GCC2: variants seen among roughly 807,000 people sequenced by gnomAD.
The protein encoded by GCC2 is GRIP and coiled-coil domain-containing protein 2.
A neutral mutation model predicts 210.6 loss-of-function variants in GCC2; 120 were observed. The observed-to-expected ratio is 0.57, with a 90% CI of 0.49 to 0.66. The LOEUF is 0.66. GCC2 is among the 30% of genes least tolerant of loss of function. The probability of loss-of-function intolerance (pLI) is 0.00; values close to 1 mark genes in which losing one functional copy is unlikely to be tolerated. For missense variants in GCC2, 1,868 were observed against 1,871.9 expected, an observed-to-expected ratio of 1.00 and a Z score of 0.04; for synonymous variants, 703 against 652.7, an observed-to-expected ratio of 1.08 and a Z score of -1.17.
At chr2:108,482,607 T>C (rs1681917736) in intron 11 of GCC2, among the ~76,000 whole-genome samples, 156 bp downstream of exon 11, 1 of 152,262 alleles carries the variant, frequency 6.6e-6, no homozygotes, top group Admixed American at 6.5e-5. Flanking sequence ...ATCCATGCTG[T>C]GATTTGGGGT....
In GCC2 at chr2:108,452,687, CTTTCTTT is replaced by C. The variant is rs1422475814; in HGVS notation, c.216+225_216+231del. On this transcript the variant is annotated intron_variant, in intron 4 of 22. Coordinates refer to ENST00000309863, the MANE Select transcript of GCC2 (RefSeq NM_181453.4). Reference sequence around the variant, plus strand: ...TCTCTTCCCACGTATTTTCTTTTTTCTTTCTTTTTTTTTTTTTTTTTTTTTGAGATGG... The same window carrying C: ...TCTCTTCCCACGTATTTTCTTTTTTCTTTTTTTTTTTTTTTTTTGAGATGG... Among the ~76,000 whole-genome samples the C allele has an allele frequency of 4.0e-3, 493 of 122,948 alleles. 3 individuals carry two copies. Among genetic ancestry groups the C allele is most frequent in the African/African-American group, 0.014 (467 of 32,888 alleles). The allele number at this position is 122,948 out of a possible 152,430, so 80.7% of individuals were successfully genotyped here. A position where few individuals can be genotyped will look rare whatever the true frequency, so the allele number is the denominator to read the frequency against.
chr2:108,480,913 T>A (rs1336500002), intron 9 of GCC2, among the ~76,000 whole-genome samples: 2 of 152,106 alleles, frequency 1.3e-5, no homozygotes, highest in Non-Finnish European at 1.5e-5. Flanking sequence ...AGTTAAAAAA[T>A]TTTTTAAAAA....
chr2:108,465,476 G>C (rs912605844), intron 4 of GCC2, among the ~76,000 whole-genome samples: 8 of 152,158 alleles, frequency 5.3e-5, no homozygotes, highest in Non-Finnish European at 1.2e-4. Flanking sequence ...TATACCTACT[G>C]TGTAGTTTTT....
At position 108,481,779 on chromosome 2, in the gene GCC2, A is replaced by G; in HGVS notation, c.3143A>G (p.Glu1048Gly). 6.3e-7 allele frequency: 1 copy of G among 1,583,712 alleles called. No homozygotes were observed. The highest frequency in any genetic ancestry group is 1.2e-5 in the South Asian group (1 of 85,044). The change falls in exon 10 of 23, where the codon GAA becomes GGA. Residue 1048 changes from glutamate (E) to glycine (G), a missense_variant. Glu to Gly is a moderately conservative substitution (Grantham distance 98). Transcript: ENST00000309863. ...ERANNFEHRI[E>G]DLTRQLRNST... Reference sequence around the variant, plus strand: ...GCTAATAATTTTGAGCATCGTATTGAAGACCTTACAAGACAATTAAGAAAT... The same window carrying G: ...GCTAATAATTTTGAGCATCGTATTGGAGACCTTACAAGACAATTAAGAAAT...
At position 108,471,573 on chromosome 2, in the gene GCC2, G is replaced by A; in HGVS notation, c.2244G>A (p.Glu748=). 1 of 1,609,578 alleles carries A rather than the reference G, an allele frequency of 6.2e-7. No individual in the cohort carries two copies. The highest frequency in any genetic ancestry group is 1.7e-5 in the Admixed American group (1 of 59,154). ...ATTTAAATAAACTGCTTGAAAATGA[G>A]CAAGTTCAGAAGTTATTTGTTAAAA... The part of the protein sequence containing the change: ...QDNLNKLLEN[E]QVQKLFVKTQ... The change falls in exon 6 of 23, where the codon GAG becomes GAA. Residue 748 remains glutamate, a synonymous_variant. Transcript: ENST00000309863.
At chr2:108,461,512 G>C (rs1210323532) in intron 4 of GCC2, among the ~76,000 whole-genome samples, 1 of 151,932 alleles carries the variant, frequency 6.6e-6, no homozygotes, top group Non-Finnish European at 1.5e-5. Flanking sequence ...TTTTGGTTTT[G>C]TTTTGTTTTC....
rs114640929 is a variant in GCC2 at position 108,453,109 on chromosome 2, T to C, written c.216+643T>C. On this transcript the variant is annotated intron_variant, in intron 4 of 22. Coordinates refer to ENST00000309863, the MANE Select transcript of GCC2 (RefSeq NM_181453.4). ...GTACAGTATATAATCTATAGATAGA[T>C]CCATATCCCTGGACATGTCTACTGA... 4.7e-3 allele frequency among the ~76,000 whole-genome samples: 710 copies of C among 152,340 alleles called. 6 individuals carry two copies. The highest frequency in any genetic ancestry group is 0.016 in the African/African-American group (673 of 41,586).
intron 8 of GCC2, 30 bp downstream of exon 8, chr2:108,475,665 G>A (rs3213886): frequency 0.4 from 575,157 of 1,449,142 alleles, 122,689 homozygotes; most frequent in East Asian, 0.84. Flanking sequence ...GTAAGATTCC[G>A]GAATCTCACA....
At chr2:108,487,978 C>T (rs574731630) in intron 17 of GCC2, among the ~76,000 whole-genome samples, 158 bp downstream of exon 17, 1 of 148,824 alleles carries the variant, frequency 6.7e-6, no homozygotes, top group African/African-American at 2.5e-5. Context: ...GCAATCTCAG[C>T]TCACTGCCAC....
rs1558744710 is a variant in GCC2 at position 108,476,054 on chromosome 2, C to CCTTTTTTTT, written c.3060+204_3060+205insCTTTTTTTT. Among the ~76,000 whole-genome samples, 7 of 96,328 alleles carry CCTTTTTTTT rather than the reference C, an allele frequency of 7.3e-5. 1 individual carries two copies. The highest frequency in any genetic ancestry group is 2.4e-4 in the Admixed American group (2 of 8,386). 63.2% of individuals were successfully genotyped at this position (96,328 alleles called of 152,430 possible). ...TGGTTAAGCTTTAAATAGTGGCTTG[C>CCTTTTTTTT]TTTTTTTTTTTTTTTTTTTTTTTTT... On this transcript the variant is annotated intron_variant, in intron 9 of 22. Coordinates refer to ENST00000309863, the MANE Select transcript of GCC2 (RefSeq NM_181453.4).
chr2:108,455,328 T>C (rs2104410266), intron 4 of GCC2, among the ~76,000 whole-genome samples: 1 of 152,202 alleles, frequency 6.6e-6, no homozygotes, highest in Middle Eastern at 3.4e-3. Flanking sequence ...TAGCCCAAGC[T>C]ACTTGGTAGC....
chr2:108,497,027 C>T lies in GCC2; in HGVS notation c.4700C>T (p.Ser1567Phe). ...TKEELVQKLS[S>F]TTKSADHLNG... The stretch of plus-strand genomic sequence containing the variant: ...GAAGAATTGGTTCAGAAGCTCAGTT[C>T]CACCACAAAAAGTGCAGATCACTTA... Residue 1567 changes from serine (S) to phenylalanine (F), a missense_variant, in exon 21 of 23, where the codon TCC becomes TTC. Ser to Phe is a radical substitution (Grantham distance 155). Around this residue, in one of 3 missense-constraint regions of GCC2, gnomAD observed 1,847 missense variants for 1,765.2 expected, o/e 1.05. Transcript: ENST00000309863. 1 of 1,612,000 alleles carries T rather than the reference C, an allele frequency of 6.2e-7. No homozygotes were observed.
In GCC2 at chr2:108,486,593, T is replaced by C; in HGVS notation, c.3875T>C (p.Leu1292Pro). The change falls in exon 16 of 23, where the codon CTA (leucine) becomes CCA (proline). Residue 1292 changes from leucine to proline, a missense_variant. Physicochemically the swap from Leu to Pro is moderately conservative, Grantham distance 98. Transcript: ENST00000309863. ...TCTGCGGAACAGCACCAGCGTACGC[T>C]AAGTGCATACCAGCAGAGAGTGACA... Reference protein sequence around the residue: ...KTSAEQHQRTLSAYQQRVTAL... With the variant: ...KTSAEQHQRTPSAYQQRVTAL... 6.2e-7 allele frequency: 1 copy of C among 1,613,824 alleles called. No homozygotes were observed. The highest frequency in any genetic ancestry group is 8.5e-7 in the Non-Finnish European group (1 of 1,179,664).
In GCC2 at chr2:108,501,704, T is replaced by C. The variant is rs536069981; in HGVS notation, c.4984+1950T>C. Among the ~76,000 whole-genome samples, 4 of 152,276 alleles carry C rather than the reference T, an allele frequency of 2.6e-5. No individual in the cohort carries two copies. In the South Asian group the frequency reaches 8.3e-4, roughly 32 times the overall value. ...AAATTCCAATTGCTGGTCCCCAATTTCTGACCCAAGACTCTGCATTTTTAG... is the reference window on the plus strand; with the variant it reads ...AAATTCCAATTGCTGGTCCCCAATTCCTGACCCAAGACTCTGCATTTTTAG... On this transcript the variant is annotated intron_variant, in intron 22 of 22. Transcript: ENST00000309863.
intron 6 of GCC2, among the ~76,000 whole-genome samples, chr2:108,472,580 G>C (rs1023560242): frequency 1.3e-5 from 2 of 151,196 alleles, no homozygotes; most frequent in Admixed American, 1.3e-4. Flanking sequence ...TAATGTATCA[G>C]GTTGTTTATC....
Position 108,469,790 on chromosome 2 carries a change from A to G in GCC2, c.461A>G (p.Lys154Arg), listed in dbSNP as rs912540674. 3 of 1,613,822 alleles carry G rather than the reference A, an allele frequency of 1.9e-6. No individual in the cohort carries two copies. The highest frequency in any genetic ancestry group is 2.7e-5 in the African/African-American group (2 of 74,926). The change falls in exon 6 of 23, where the codon AAG becomes AGG. Residue 154 changes from lysine (K) to arginine (R), a missense_variant. Transcript: ENST00000309863. ...KYSEDKANLQ[K>R]QLEEAMNTQL... ...AGTGAAGACAAAGCTAACTTACAAA[A>G]GCAGCTGGAAGAAGCAATGAATACG...
In GCC2 at chr2:108,486,674, A is replaced by C; in HGVS notation, c.3930+26A>C. 3 of 1,594,508 alleles carry C rather than the reference A, an allele frequency of 1.9e-6. No individual in the cohort carries two copies. In the South Asian group the frequency reaches 3.4e-5, roughly 18 times the overall value. On this transcript the variant is annotated intron_variant, in intron 16 of 22. Transcript: ENST00000309863. ...GTGCGTTCTTCAGGGCAGCCACAGC[A>C]AGCCACTGGGATTTTATTATCAGCT...
At chr2:108,453,734 G>C (rs1573339260) in intron 4 of GCC2, among the ~76,000 whole-genome samples, 1 of 150,934 alleles carries the variant, frequency 6.6e-6, no homozygotes, top group Middle Eastern at 3.4e-3. Context: ...GCAATGAGTT[G>C]AGATTGAGCC....
intron 4 of GCC2, among the ~76,000 whole-genome samples, chr2:108,466,432 G>A (rs917071366): frequency 1.3e-5 from 2 of 151,568 alleles, no homozygotes; most frequent in African/African-American, 4.8e-5. Flanking sequence ...TTGTTTGTGT[G>A]GTAAATATCT....
Sources: gnomAD v4.1 joint callset for allele counts (sites outside exome capture counted in the v4.1 genomes callset) on GRCh38, gnomAD v4.1.1 for gene constraint, gnomAD v4.1.1 regional missense constraint, MANE v1.5 for transcripts, NCBI Gene and HGNC (gene_info 2026-07-23, HGNC 2026-07-21) for gene names.